The following B3GAT2 variants were observed in gnomAD, a reference collection of about 807,000 sequenced individuals.
B3GAT2 encodes beta-1,3-glucuronyltransferase 2.
In B3GAT2, 26 loss-of-function variants were observed where a neutral mutation model predicts 27.8. The ratio of observed to expected loss-of-function variants is 0.93; its 90% CI spans 0.68 to 1.30. The LOEUF is 1.30. B3GAT2 is among the 50% of genes most tolerant of loss of function. The pLI, the probability that B3GAT2 is intolerant of heterozygous loss-of-function variation, is 0.00. For synonymous variants in B3GAT2, 218 were observed against 195.1 expected, an observed-to-expected ratio of 1.12 and a Z score of -0.98; for missense variants, 458 against 459.0, an observed-to-expected ratio of 1.00 and a Z score of 0.02.
chr6:70,880,328 C>CT (rs1562216805), intron 2 of B3GAT2, among the ~76,000 whole-genome samples: 5 of 152,090 alleles, frequency 3.3e-5, no homozygotes, highest in African/African-American at 1.2e-4. Context: ...CTCACAGTGA[C>CT]CCCACTAGGT....
intron 2 of B3GAT2, among the ~76,000 whole-genome samples, chr6:70,876,678 C>CTTTTGATCTT (rs1470557495): frequency 3.9e-5 from 6 of 152,170 alleles, no homozygotes; most frequent in African/African-American, 1.4e-4. Flanking sequence ...TGTTATCTTT[C>CTTTTGATCTT]ATTTTTCATC....
intron 2 of B3GAT2, among the ~76,000 whole-genome samples, chr6:70,876,911 T>G (rs1208220994): frequency 6.6e-6 from 1 of 152,176 alleles, no homozygotes; most frequent in African/African-American, 2.4e-5. Flanking sequence ...CTGACTAGAA[T>G]GAGTAAGGGC....
At chr6:70,917,756 G>A (rs924448837) in intron 1 of B3GAT2, among the ~76,000 whole-genome samples, 3 of 152,208 alleles carry the variant, frequency 2.0e-5, no homozygotes, top group African/African-American at 7.2e-5. Context: ...ATTGCGGTCT[G>A]AGAGACAGTT....
At chr6:70,895,267 T>C (rs1298656872) in intron 1 of B3GAT2, among the ~76,000 whole-genome samples, 1 of 152,186 alleles carries the variant, frequency 6.6e-6, no homozygotes, top group Non-Finnish European at 1.5e-5. Flanking sequence ...CTTTATCTTT[T>C]ATTTGCTATA....
chr6:70,863,093 G>T (rs754745236), intron 2 of B3GAT2, among the ~76,000 whole-genome samples: 9 of 152,186 alleles, frequency 5.9e-5, no homozygotes, highest in East Asian at 1.9e-4. Flanking sequence ...TTGTTTTGAA[G>T]GTCTGAAGCC....
At chr6:70,954,785 T>C (rs2150054472) in intron 1 of B3GAT2, among the ~76,000 whole-genome samples, 1 of 152,206 alleles carries the variant, frequency 6.6e-6, no homozygotes, top group Non-Finnish European at 1.5e-5. Flanking sequence ...TTGGCTGTAA[T>C]TGCGTAGACA....
rs771439200 is a variant in B3GAT2, at chr6:70,858,196, G to A, written c.*3467C>T. On this transcript the variant is annotated 3_prime_UTR_variant, in exon 4 of 4. Transcript: ENST00000230053. ...CACCCCAGAGTAAGTTTGGCCTGCC[G>A]CAAGCTCAGCAGCCCCAGTGGAGCC... is the stretch of plus-strand genomic sequence containing the variant. 3 of 1,611,858 alleles carry A rather than the reference G, an allele frequency of 1.9e-6. No individual in the cohort carries two copies. The highest frequency in any genetic ancestry group is 2.2e-5 in the East Asian group (1 of 44,720).
At chr6:70,953,672 T>C (rs887823512) in intron 1 of B3GAT2, among the ~76,000 whole-genome samples, 1 of 152,218 alleles carries the variant, frequency 6.6e-6, no homozygotes, top group African/African-American at 2.4e-5. Flanking sequence ...TTTTTGTATA[T>C]GTGGCACCTC....
At chr6:70,882,316 A>C (rs1326580441) in intron 2 of B3GAT2, among the ~76,000 whole-genome samples, 1 of 152,126 alleles carries the variant, frequency 6.6e-6, no homozygotes, top group East Asian at 1.9e-4. Flanking sequence ...ACTGGCTAAC[A>C]TGGTGAAACC....
chr6:70,949,203 A>G (rs200088654), intron 1 of B3GAT2, among the ~76,000 whole-genome samples: 18,931 of 151,502 alleles, frequency 0.12, 2,167 homozygotes, highest in African/African-American at 0.31. Context: ...AAATTGACAA[A>G]TGGGATCTAA....
chr6:70,864,674 C>T (rs891628926), intron 2 of B3GAT2, among the ~76,000 whole-genome samples: 19 of 152,114 alleles, frequency 1.2e-4, no homozygotes, highest in Non-Finnish European at 2.5e-4. Flanking sequence ...CTAGGTCAAC[C>T]CCTGGGTTAC....
intron 2 of B3GAT2, among the ~76,000 whole-genome samples, chr6:70,892,830 C>T (rs552951735): frequency 7.2e-5 from 11 of 152,290 alleles, no homozygotes; most frequent in South Asian, 4.1e-4. Flanking sequence ...CTGAGCGGGT[C>T]GAGGGCAGGC....
At chr6:70,916,656 T>C (rs1387885266) in intron 1 of B3GAT2, among the ~76,000 whole-genome samples, 2 of 152,234 alleles carry the variant, frequency 1.3e-5, no homozygotes, top group Admixed American at 6.5e-5. Flanking sequence ...GAGATAATCA[T>C]GTGGTTTTTG....
intron 2 of B3GAT2, among the ~76,000 whole-genome samples, chr6:70,887,470 T>A (rs1772206950): frequency 6.6e-6 from 1 of 152,134 alleles, no homozygotes; most frequent in Non-Finnish European, 1.5e-5. Flanking sequence ...CCTGGTAAAC[T>A]TGTAGCGGGG....
intron 2 of B3GAT2, among the ~76,000 whole-genome samples, chr6:70,884,047 C>T (rs1772140701): frequency 6.8e-6 from 1 of 147,216 alleles, no homozygotes; most frequent in African/African-American, 2.5e-5. Context: ...TGATCACTTT[C>T]GCCCGCCTCT....
At chr6:70,949,122 T>C (rs1022771509) in intron 1 of B3GAT2, among the ~76,000 whole-genome samples, 1 of 152,046 alleles carries the variant, frequency 6.6e-6, no homozygotes, top group African/African-American at 2.4e-5. Flanking sequence ...ACCTAGGCAT[T>C]ACCATTCAGG....
intron 1 of B3GAT2, among the ~76,000 whole-genome samples, chr6:70,942,413 T>C (rs1009748836): frequency 1.3e-5 from 2 of 152,158 alleles, no homozygotes; most frequent in Non-Finnish European, 2.9e-5. Context: ...CTCTGAGTAT[T>C]CAGGTCCACA....
chr6:70,869,025 G>C (rs1771895054), intron 2 of B3GAT2, among the ~76,000 whole-genome samples: 1 of 152,038 alleles, frequency 6.6e-6, no homozygotes, highest in Non-Finnish European at 1.5e-5. Context: ...CATAACTCTG[G>C]GAACCAATTT....
Position 70,860,744 on chromosome 6 carries a change from A to G in B3GAT2, c.*919T>C. ...CCTGTAGGAAGGTACTGTATGATCAAATGTTTAATCATATAAATAGAATGT... is the reference window on the plus strand; with the variant it reads ...CCTGTAGGAAGGTACTGTATGATCAGATGTTTAATCATATAAATAGAATGT... On this transcript the variant is annotated 3_prime_UTR_variant, in exon 4 of 4. Transcript: ENST00000230053. 4 of 400,660 alleles carry G rather than the reference A, an allele frequency of 1.0e-5. No individual in the cohort carries two copies. Among genetic ancestry groups the G allele is most frequent in the Non-Finnish European group, 1.8e-5 (4 of 226,996 alleles). 24.8% of individuals were successfully genotyped at this position (400,660 alleles called of 1,614,324 possible). A position where few individuals can be genotyped will look rare whatever the true frequency, so the allele number is the denominator to read the frequency against.
Sources: allele counts gnomAD v4.1 joint callset (sites outside exome capture counted in the v4.1 genomes callset), GRCh38; gene constraint gnomAD v4.1.1; transcripts MANE v1.5; gene names NCBI Gene and HGNC (gene_info 2026-07-23, HGNC 2026-07-21).